Variants in FPGS observed in about 807,000 individuals in gnomAD.
FPGS encodes the protein folylpolyglutamate synthase.
FPGS carries 53 observed loss-of-function variants against 66.5 expected under a neutral mutation model. The ratio of observed to expected loss-of-function variants is 0.80; its 90% CI spans 0.64 to 1.00. The LOEUF (loss-of-function observed/expected upper bound fraction) is 1.00, where lower values mean the gene tolerates loss of function less well. FPGS is among the 50% of genes least tolerant of loss of function. FPGS has a pLI of 0.00. For synonymous variants in FPGS, 348 were observed against 350.9 expected (o/e 0.99, Z 0.09); for missense variants, 702 against 807.7 (o/e 0.87, Z 1.59).
Position 127,808,087 on chromosome 9 carries a change from C to T in FPGS, c.745-147C>T, listed in dbSNP as rs1427897526. ...CGCCACAGCACTCCAGCCTGGGTGA[C>T]AGAGTGAGACTTCATCTCGAAAAAG... On this transcript the variant is annotated intron_variant, in intron 8 of 14. Coordinates refer to ENST00000373247, the MANE Select transcript of FPGS (RefSeq NM_004957.6). 1.9e-5 allele frequency: 12 copies of T among 641,906 alleles called. No individual in the cohort carries two copies. The East Asian group carries it at 2.2e-4, about 12-fold the overall frequency. The allele number at this position is 641,906 out of a possible 1,614,324, so 39.8% of individuals were successfully genotyped here.
At chr9:127,809,614 G>A in intron 11 of FPGS, 70 bp from the exon 12 acceptor site, 3 of 1,447,704 alleles carry the variant, frequency 2.1e-6, no homozygotes, top group Non-Finnish European at 2.8e-6. Context: ...ACGGGCTCAG[G>A]AGTGTGTGTG....
rs750719625 is a variant in FPGS at position 127,807,411 on chromosome 9, T to C, written c.580-10T>C. 4.3e-5 allele frequency: 69 copies of C among 1,613,788 alleles called. No homozygotes were observed. Among genetic ancestry groups the C allele is most frequent in the Non-Finnish European group, 4.8e-5 (57 of 1,179,896 alleles). On this transcript the variant is annotated splice_polypyrimidine_tract_variant and intron_variant, in intron 6 of 14. Transcript: ENST00000373247. The surrounding 1 kb of genome is among the most constrained non-coding windows in gnomAD (Gnocchi z 5.8). ...TCATATCCCCTGCCATGCCCTCTGG[T>C]CTTTGACAGGTGGACCTGGCAGTGG...
chr9:127,807,431 C>A lies in FPGS; in HGVS notation c.590C>A (p.Ala197Glu), dbSNP rs1829858569. The change falls in exon 7 of 15, where the codon GCA becomes GAA. Residue 197 changes from alanine to glutamate, a missense_variant. Ala to Glu is a moderately radical substitution (Grantham distance 107). This residue lies in a region of FPGS where 240 missense variants were observed against 348.6 expected (regional missense o/e 0.69). Transcript: ENST00000373247. The surrounding 1 kb of genome is among the most constrained non-coding windows in gnomAD (Gnocchi z 5.8). The part of the protein sequence containing the change: ...HVFLQEKVDL[A>E]VVEVGIGGAY... ...TCTGGTCTTTGACAGGTGGACCTGG[C>A]AGTGGTGGAGGTGGGCATTGGCGGG... 1.9e-6 allele frequency: 3 copies of A among 1,613,894 alleles called. No homozygotes were observed. Among genetic ancestry groups the A allele is most frequent in the African/African-American group, 1.3e-5 (1 of 74,936 alleles).
In FPGS at chr9:127,808,619, T is replaced by G. The variant is rs1374588715; in HGVS notation, c.884T>G (p.Leu295Arg). ...ALEEGGPPLT[L>R]GLEGEHQRSN... The stretch of plus-strand genomic sequence containing the variant: ...GAGGAAGGGGGGCCGCCGCTGACCC[T>G]GGGCCTGGAGGGGGAGCACCAGCGG... The change falls in exon 10 of 15, where the codon CTG becomes CGG. Residue 295 changes from leucine to arginine, a missense_variant. Leu to Arg is a moderately radical substitution (Grantham distance 102). Transcript: ENST00000373247. 3.1e-6 allele frequency: 5 copies of G among 1,612,048 alleles called. No individual in the cohort carries two copies. Among genetic ancestry groups the G allele is most frequent in the Non-Finnish European group, 4.2e-6 (5 of 1,179,654 alleles).
Position 127,807,997 on chromosome 9 carries a change from T to C in FPGS, c.745-237T>C. On this transcript the variant is annotated intron_variant, in intron 8 of 14. Transcript: ENST00000373247. The surrounding 1 kb of genome is among the most constrained non-coding windows in gnomAD (Gnocchi z 5.8). ...GGTGTACGCCTGTAGTTCCAGCTAC[T>C]TGGGAGACTGAGGCAGGAGAATCAC... The C allele has an allele frequency of 3.5e-6, 2 of 577,026 alleles. No homozygotes were observed. 35.7% of individuals were successfully genotyped at this position (577,026 alleles called of 1,614,324 possible).
At chr9:127,809,612 A>T in intron 11 of FPGS, 72 bp from the exon 12 acceptor site, 1 of 1,433,222 alleles carries the variant, frequency 7.0e-7, no homozygotes, top group Non-Finnish European at 9.3e-7. Context: ...GAACGGGCTC[A>T]GGAGTGTGTG....
chr9:127,808,523 G>T lies in FPGS; in HGVS notation c.823-35G>T, dbSNP rs781407616. The T allele has an allele frequency of 1.9e-6, 3 of 1,610,050 alleles. No individual in the cohort carries two copies. In the African/African-American group the frequency reaches 4.0e-5, roughly 22 times the overall value. On this transcript the variant is annotated intron_variant, in intron 9 of 14. Coordinates refer to ENST00000373247, the MANE Select transcript of FPGS (RefSeq NM_004957.6). ...GCAAGGGCTGACGTGGTCAGGGAGG[G>T]CCTCTGCTGACCCGCTCCTGCCTGT...
Position 127,810,161 on chromosome 9 carries a change from C to T in FPGS, c.1287+55C>T, listed in dbSNP as rs189355015. The T allele has an allele frequency of 2.7e-4, 401 of 1,472,156 alleles. 8 individuals are homozygous for T. In the East Asian group the frequency reaches 6.5e-3, roughly 24 times the overall value. The allele number at this position is 1,472,156 out of a possible 1,614,324, so 91.2% of individuals were successfully genotyped here. A position where few individuals can be genotyped will look rare whatever the true frequency, so the allele number is the denominator to read the frequency against. On this transcript the variant is annotated intron_variant, in intron 13 of 14. Coordinates refer to ENST00000373247, the MANE Select transcript of FPGS (RefSeq NM_004957.6). ...GGCAGTCCTGAAGCCCTGGGTCTGG[C>T]GGTGTGACCCTGGGGGGTGCCAATC...
rs1829857097 is a variant in FPGS, at chr9:127,807,388, A to G, written c.580-33A>G. 2 of 1,613,280 alleles carry G rather than the reference A, an allele frequency of 1.2e-6. No homozygotes were observed. The highest frequency in any genetic ancestry group is 1.7e-5 in the Admixed American group (1 of 59,998). On this transcript the variant is annotated intron_variant, in intron 6 of 14. Coordinates refer to ENST00000373247, the MANE Select transcript of FPGS (RefSeq NM_004957.6). This position sits in a 1 kb window ranked among gnomAD's most constrained non-coding sequence, Gnocchi z 5.8. ...TTCCATGCGGCCTCTGGGCACCCTC[A>G]TATCCCCTGCCATGCCCTCTGGTCT...
At chr9:127,803,944 T>G (rs1413653879) in intron 1 of FPGS, among the ~76,000 whole-genome samples, 4 of 152,102 alleles carry the variant, frequency 2.6e-5, no homozygotes. Flanking sequence ...CAGGGAGCAA[T>G]ATAGCAATGG....
Position 127,802,951 on chromosome 9 carries a change from C to T in FPGS, c.27C>T (p.Arg9=), listed in dbSNP as rs952769410. 26 of 1,409,192 alleles carry T rather than the reference C, an allele frequency of 1.8e-5. No individual in the cohort carries two copies. Among genetic ancestry groups the T allele is most frequent in the South Asian group, 3.0e-5 (2 of 67,764 alleles). 87.3% of individuals were successfully genotyped at this position (1,409,192 alleles called of 1,614,324 possible). A position where few individuals can be genotyped will look rare whatever the true frequency, so the allele number is the denominator to read the frequency against. Residue 9 remains arginine (R), a synonymous_variant, in exon 1 of 15, where the codon CGC becomes CGT. Transcript: ENST00000373247. The stretch of plus-strand genomic sequence containing the variant: ...TGTCGCGGGCGCGGAGCCACCTGCG[C>T]GCCGCTCTATTCCTGGCAGCGGCGT... The part of the protein sequence containing the change: MSRARSHL[R]AALFLAAASA...
Position 127,813,338 on chromosome 9 carries a change from C to T in FPGS, c.1498C>T (p.Leu500=), listed in dbSNP as rs201429210. The stretch of plus-strand genomic sequence containing the variant: ...CCCAGAGCCCGGTGGGTCCGCATCC[C>T]TGCTTCTGGCGCCCCACCCACCCCA... ...PSPEPGGSAS[L]LLAPHPPHTC... is the part of the protein sequence containing the mutation. Residue 500 remains leucine, a synonymous_variant, in exon 15 of 15, where the codon CTG becomes TTG. Coordinates refer to ENST00000373247, the MANE Select transcript of FPGS (RefSeq NM_004957.6). The T allele has an allele frequency of 1.1e-3, 1,773 of 1,613,108 alleles. 29 individuals carry two copies. The South Asian group carries it at 0.018, about 17-fold the overall frequency.
Position 127,806,995 on chromosome 9 carries a change from C to G in FPGS, c.409C>G (p.Arg137Gly). The change falls in exon 5 of 15, where the codon CGG (arginine) becomes GGG (glycine). Residue 137 changes from arginine to glycine, a missense_variant. By Grantham distance (125) the Arg-to-Gly change is moderately radical (BLOSUM62 -2). Around this residue, in one of 3 missense-constraint regions of FPGS, gnomAD observed 240 missense variants for 348.6 expected, o/e 0.69. Transcript: ENST00000373247. ...FFSSPHLVQV[R>G]ERIRINGQPI... ...CAGCTCTCCCCACCTGGTGCAGGTT[C>G]GGGAGCGGATCCGCATCAATGGGCA... 6.2e-7 allele frequency: 1 copy of G among 1,614,042 alleles called. No homozygotes were observed. Among genetic ancestry groups the G allele is most frequent in the African/African-American group, 1.3e-5 (1 of 75,034 alleles).
chr9:127,809,704 C>T lies in FPGS; in HGVS notation c.1081C>T (p.Pro361Ser). The change falls in exon 12 of 15, where the codon CCG (proline) becomes TCG (serine). Residue 361 changes from proline (P) to serine (S), a missense_variant. Coordinates refer to ENST00000373247, the MANE Select transcript of FPGS (RefSeq NM_004957.6). ...CCCAGGGCTTCGGAACACGGAGTGG[C>T]CGGGCCGGACGCAGGTGCTGCGGCG... is the stretch of plus-strand genomic sequence containing the variant. ...MRLGLRNTEW[P>S]GRTQVLRRGP... The T allele has an allele frequency of 6.3e-7, 1 of 1,588,462 alleles. No homozygotes were observed. Among genetic ancestry groups the T allele is most frequent in the Non-Finnish European group, 8.5e-7 (1 of 1,175,180 alleles).
rs771725616 is a variant in FPGS, at chr9:127,804,515, G to A, written c.284G>A (p.Arg95Gln). The change falls in exon 3 of 15, where the codon CGG (arginine) becomes CAG (glutamine). Residue 95 changes from arginine to glutamine, a missense_variant. Around this residue, in one of 3 missense-constraint regions of FPGS, gnomAD observed 240 missense variants for 348.6 expected, o/e 0.69. Coordinates refer to ENST00000373247, the MANE Select transcript of FPGS (RefSeq NM_004957.6). Reference sequence around the variant, plus strand: ...CTGTCCCAGGTGGAGGACTTGGACCGGCTGAACATCATCCACGTCACTGGG... The same window carrying A: ...CTGTCCCAGGTGGAGGACTTGGACCAGCTGAACATCATCCACGTCACTGGG... ...RSGLQVEDLDRLNIIHVTGTK... is the reference protein window; with the variant it reads ...RSGLQVEDLDQLNIIHVTGTK... The A allele has an allele frequency of 1.2e-4, 188 of 1,614,068 alleles. No homozygotes were observed. Among genetic ancestry groups the A allele is most frequent in the Middle Eastern group, 4.9e-4 (3 of 6,084 alleles).
intron 4 of FPGS, among the ~76,000 whole-genome samples, chr9:127,805,671 A>G (rs923826927): frequency 4.6e-5 from 7 of 152,244 alleles, no homozygotes; most frequent in African/African-American, 1.7e-4. Context: ...GATATTTATC[A>G]ATTAGTATGT....
chr9:127,813,652 C>G lies in FPGS; in HGVS notation c.*48C>G. 1 of 1,493,806 alleles carries G rather than the reference C, an allele frequency of 6.7e-7. No individual in the cohort carries two copies. The highest frequency in any genetic ancestry group is 8.9e-7 in the Non-Finnish European group (1 of 1,121,714). The allele number at this position is 1,493,806 out of a possible 1,614,324, so 92.5% of individuals were successfully genotyped here. On this transcript the variant is annotated 3_prime_UTR_variant, in exon 15 of 15. Coordinates refer to ENST00000373247, the MANE Select transcript of FPGS (RefSeq NM_004957.6). ...GGAGCTTCCCACACCTGCCTGCGTTCTCCCCATGAACTTACATACTAGGTG... is the reference window on the plus strand; with the variant it reads ...GGAGCTTCCCACACCTGCCTGCGTTGTCCCCATGAACTTACATACTAGGTG...
At chr9:127,803,804 C>T (rs1236369663) in intron 1 of FPGS, among the ~76,000 whole-genome samples, 1 of 152,206 alleles carries the variant, frequency 6.6e-6, no homozygotes, top group African/African-American at 2.4e-5. Flanking sequence ...CTGGCACACC[C>T]CTCCTCCCTC....
At chr9:127,814,412 T>G (rs1830231564), downstream of FPGS, 1 of 153,230 alleles carries the variant, frequency 6.5e-6, no homozygotes, top group Non-Finnish European at 1.4e-5. Context: ...TTTGGGAGGC[T>G]GAGGCGGGCG....
Sources: allele counts gnomAD v4.1 joint callset (sites outside exome capture counted in the v4.1 genomes callset), GRCh38; gene constraint gnomAD v4.1.1; regional missense constraint gnomAD v4.1.1; non-coding constraint Gnocchi (gnomAD v3.1); transcripts MANE v1.5; gene names NCBI Gene and HGNC (gene_info 2026-07-23, HGNC 2026-07-21).